Variants in KIF4A observed in about 807,000 individuals in gnomAD.
The protein encoded by KIF4A is chromosome-associated kinesin KIF4A.
A neutral mutation model predicts 105.9 loss-of-function variants in KIF4A; 7 were observed. The observed-to-expected ratio is 0.07, with a 90% CI of 0.04 to 0.12. KIF4A has a LOEUF of 0.12. KIF4A is among the 10% of genes least tolerant of loss of function. KIF4A has a pLI of 1.00. For synonymous variants in KIF4A, 281 were observed against 331.3 expected, an observed-to-expected ratio of 0.85 and a Z score of 1.65; for missense variants, 558 against 929.2, an observed-to-expected ratio of 0.60 and a Z score of 5.19.
intron 15 of KIF4A, among the ~76,000 whole-genome samples, chrX:70,371,848 G>A (rs1391173355): frequency 4.8e-5 from 5 of 103,339 alleles, no homozygotes; most frequent in African/African-American, 1.1e-4. Context: ...CTTCTCAGAT[G>A]GGGCGGCTGC....
chrX:70,346,981 T>G (rs1169360838), intron 13 of KIF4A, among the ~76,000 whole-genome samples: 1 of 112,094 alleles, frequency 8.9e-6, no homozygotes, highest in Non-Finnish European at 1.9e-5. Context: ...TTCCTAGATA[T>G]TCTTCCTGGG....
chrX:70,372,664 G>C (rs756537038), intron 15 of KIF4A, among the ~76,000 whole-genome samples: 28 of 107,661 alleles, frequency 2.6e-4, no homozygotes, highest in Non-Finnish European at 4.7e-4. Context: ...CGTGGGGAGA[G>C]GGAGACAGAG....
At chrX:70,404,847 G>T (rs1426127949) in intron 25 of KIF4A, 25 bp downstream of exon 25, 10 of 1,028,869 alleles carry the variant, frequency 9.7e-6, no homozygotes, top group Non-Finnish European at 1.2e-5. Context: ...GGTCTCCAGA[G>T]ATGAGTTTCA....
In KIF4A at chrX:70,302,334, T is replaced by C; in HGVS notation, c.714T>C (p.Leu238=). The stretch of plus-strand genomic sequence containing the variant: ...GCAGCTTTCGCTCCAAGCTGCATCT[T>C]GTAGACCTCGCTGGATCAGAAAGAC... ...KNSSFRSKLH[L]VDLAGSERQK... is the part of the protein sequence containing the mutation. The change falls in exon 7 of 31, where the codon CTT becomes CTC. Residue 238 remains leucine, a synonymous_variant. Coordinates refer to ENST00000374403, the MANE Select transcript of KIF4A (RefSeq NM_012310.5). 8.3e-7 allele frequency: 1 copy of C among 1,211,840 alleles called. No homozygotes were observed. The highest frequency in any genetic ancestry group is 1.1e-6 in the Non-Finnish European group (1 of 895,458).
chrX:70,356,464 G>A (rs2086051671), intron 15 of KIF4A, among the ~76,000 whole-genome samples: 1 of 111,308 alleles, frequency 9.0e-6, no homozygotes, highest in South Asian at 3.8e-4. Context: ...TTGGGAGGCC[G>A]AGGCGGGAGA....
intron 22 of KIF4A, among the ~76,000 whole-genome samples, chrX:70,397,637 AT>A (rs1476763330): frequency 8.9e-6 from 1 of 112,046 alleles, no homozygotes; most frequent in East Asian, 2.8e-4. Flanking sequence ...TCTAATCATG[AT>A]TATTTTAAGC....
chrX:70,358,129 C>G (rs1351525151), intron 15 of KIF4A, among the ~76,000 whole-genome samples: 1 of 110,859 alleles, frequency 9.0e-6, no homozygotes, highest in East Asian at 2.8e-4. Flanking sequence ...AGGCTGGTCT[C>G]AAATTCCTGG....
intron 7 of KIF4A, among the ~76,000 whole-genome samples, chrX:70,304,091 C>G (rs1177553881): frequency 1.6e-5 from 1 of 60,800 alleles, no homozygotes; most frequent in Non-Finnish European, 2.9e-5. Context: ...CCTCCCCCCT[C>G]CCCCCACCCC....
At chrX:70,360,256 G>C (rs1214975356) in intron 15 of KIF4A, among the ~76,000 whole-genome samples, 1 of 112,587 alleles carries the variant, frequency 8.9e-6, no homozygotes, top group Non-Finnish European at 1.9e-5. Context: ...GATGGGTAGA[G>C]AAAAAGTTCA....
chrX:70,417,953 T>C lies in KIF4A; in HGVS notation c.3321T>C (p.Gly1107=). ...GCAGGAAGCAAAAGTCAGACTGTGG[T>C]GTGGACTGTTGCTGTGACCCCACAA... ...CGCRKQKSDC[G]VDCCCDPTKC... is the part of the protein sequence containing the mutation. Residue 1107 remains glycine, a synonymous_variant, in exon 29 of 31, where the codon GGT becomes GGC. Transcript: ENST00000374403. 1 of 1,211,073 alleles carries C rather than the reference T, an allele frequency of 8.3e-7. No homozygotes were observed. Among genetic ancestry groups the C allele is most frequent in the South Asian group, 1.8e-5 (1 of 56,814 alleles).
At chrX:70,312,110 T>C (rs1191679302) in intron 7 of KIF4A, among the ~76,000 whole-genome samples, 2 of 108,298 alleles carry the variant, frequency 1.8e-5, no homozygotes, top group Non-Finnish European at 3.8e-5. Context: ...GGTCCACACA[T>C]TGTTATTGCT....
intron 15 of KIF4A, among the ~76,000 whole-genome samples, chrX:70,373,592 GTATATATATACA>G (rs2086156003): frequency 7.3e-5 from 1 of 13,776 alleles, no homozygotes; most frequent in African/African-American, 1.8e-4. Flanking sequence ...ATATATATAC[GTATATATATACA>G]TATATACGTG....
At chrX:70,325,548 C>G (rs191059052) in intron 7 of KIF4A, among the ~76,000 whole-genome samples, 1,837 of 111,370 alleles carry the variant, frequency 0.016, 36 homozygotes, top group African/African-American at 0.056. Flanking sequence ...AAAGTGCTGG[C>G]ATTACAGACA....
In KIF4A at chrX:70,420,049, C is replaced by G. The variant is rs371795410; in HGVS notation, c.3496-13C>G. The G allele has an allele frequency of 3.3e-5, 40 of 1,204,675 alleles. No individual in the cohort carries two copies. In the African/African-American group the frequency reaches 6.7e-4, roughly 20 times the overall value. On this transcript the variant is annotated splice_polypyrimidine_tract_variant and intron_variant, in intron 30 of 30. Transcript: ENST00000374403. ...TTCTAAAGTCTATTCATACCTGTCT[C>G]TGTCCCTCCTAGATCCTGAAAGAGA...
chrX:70,400,563 C>T (rs1399033267), intron 22 of KIF4A, among the ~76,000 whole-genome samples: 1 of 111,201 alleles, frequency 9.0e-6, no homozygotes, highest in Admixed American at 9.6e-5. Context: ...TCATGTGAGG[C>T]CAGATTGTCT....
At chrX:70,380,517 G>T (rs911991103) in intron 18 of KIF4A, among the ~76,000 whole-genome samples, 5 of 111,751 alleles carry the variant, frequency 4.5e-5, no homozygotes, top group African/African-American at 1.6e-4. Flanking sequence ...AGGAATAGAA[G>T]AGAACTTCCT....
intron 20 of KIF4A, among the ~76,000 whole-genome samples, chrX:70,392,985 T>C (rs935406457): frequency 3.7e-5 from 4 of 107,841 alleles, no homozygotes; most frequent in Non-Finnish European, 7.7e-5. Context: ...CTGCATACTT[T>C]GGATTTATTT....
At chrX:70,356,127 A>G (rs2086050065) in intron 15 of KIF4A, among the ~76,000 whole-genome samples, 1 of 110,663 alleles carries the variant, frequency 9.0e-6, no homozygotes, top group Non-Finnish European at 1.9e-5. Flanking sequence ...AAAAAATACA[A>G]AAATTAGCCG....
chrX:70,297,238 G>A (rs754110740), intron 4 of KIF4A, 50 bp downstream of exon 4: 55 of 1,064,151 alleles, frequency 5.2e-5, no homozygotes, highest in Admixed American at 1.4e-4. Flanking sequence ...TCTTTGGGTC[G>A]AAAAATAAAT....
Sources: allele counts gnomAD v4.1 joint callset (sites outside exome capture counted in the v4.1 genomes callset), GRCh38; gene constraint gnomAD v4.1.1; transcripts MANE v1.5; gene names NCBI Gene and HGNC (gene_info 2026-07-23, HGNC 2026-07-21).